ERBB4: variants seen among roughly 807,000 people sequenced by gnomAD.
ERBB4 encodes receptor tyrosine-protein kinase erbB-4.
In ERBB4, 42 loss-of-function variants were observed where a neutral mutation model predicts 158.0. The observed-to-expected ratio is 0.27, with a 90% CI of 0.21 to 0.34. The LOEUF is 0.34. Among genes scored for constraint, ERBB4 ranks in the 10% least tolerant of loss-of-function variants. The probability of loss-of-function intolerance (pLI) is 1.00; values close to 1 mark genes in which losing one functional copy is unlikely to be tolerated. For missense variants in ERBB4, 1,333 were observed against 1,624.1 expected, an observed-to-expected ratio of 0.82 and a Z score of 3.08; for synonymous variants, 583 against 558.7, an observed-to-expected ratio of 1.04 and a Z score of -0.61.
chr2:211,421,310 G>A (rs915343877), intron 24 of ERBB4, among the ~76,000 whole-genome samples: 1 of 151,730 alleles, frequency 6.6e-6, no homozygotes, highest in African/African-American at 2.4e-5. Flanking sequence ...TCAGACTGTC[G>A]ATATGAAAAT....
chr2:211,794,636 T>C (rs2076344869), intron 3 of ERBB4, among the ~76,000 whole-genome samples: 1 of 151,954 alleles, frequency 6.6e-6, no homozygotes. Context: ...AAATATTGAA[T>C]ACATTTATTT....
At chr2:211,916,378 C>T (rs1277059346) in intron 3 of ERBB4, among the ~76,000 whole-genome samples, 1 of 152,046 alleles carries the variant, frequency 6.6e-6, no homozygotes, top group East Asian at 1.9e-4. Flanking sequence ...CGGGGTTTCA[C>T]CATGTTGGCT....
intron 1 of ERBB4, among the ~76,000 whole-genome samples, chr2:212,208,776 A>G (rs1348681223): frequency 6.6e-6 from 1 of 152,202 alleles, no homozygotes; most frequent in Non-Finnish European, 1.5e-5. Context: ...TCCAGCCTTA[A>G]ATAGACACCA....
intron 1 of ERBB4, among the ~76,000 whole-genome samples, chr2:212,509,101 A>C (rs1314873113): frequency 6.6e-6 from 1 of 152,074 alleles, no homozygotes; most frequent in Non-Finnish European, 1.5e-5. Context: ...ATAACTTAGA[A>C]GCTGAGAATA....
At chr2:211,791,498 G>A (rs1181816154) in intron 3 of ERBB4, among the ~76,000 whole-genome samples, 3 of 149,276 alleles carry the variant, frequency 2.0e-5, no homozygotes, top group Non-Finnish European at 3.0e-5. Flanking sequence ...CAAAGTGTCT[G>A]GATGAGTGCA....
chr2:211,899,887 T>C (rs965681502), intron 3 of ERBB4, among the ~76,000 whole-genome samples: 1 of 152,182 alleles, frequency 6.6e-6, no homozygotes, highest in African/African-American at 2.4e-5. Context: ...AATGCTATAT[T>C]ATTGATGAAA....
chr2:211,702,168 TAAG>T lies in ERBB4; in HGVS notation c.1290-5_1290-3del, dbSNP rs1271939373. The T allele has an allele frequency of 3.6e-5, 58 of 1,612,944 alleles. No individual in the cohort carries two copies. Among genetic ancestry groups the T allele is most frequent in the Non-Finnish European group, 4.6e-5 (54 of 1,179,120 alleles). On this transcript the variant is annotated splice_region_variant and splice_polypyrimidine_tract_variant and intron_variant, in intron 11 of 27. Coordinates refer to ENST00000342788, the MANE Select transcript of ERBB4 (RefSeq NM_005235.3). ...TTGAGGATAAGCAAGGACAGGCCAC[TAAG>T]GAGGGGGAAGTGAGAAAACGGAACC...
At chr2:212,238,527 T>A (rs2083964417) in intron 1 of ERBB4, among the ~76,000 whole-genome samples, 1 of 152,162 alleles carries the variant, frequency 6.6e-6, no homozygotes, top group Non-Finnish European at 1.5e-5. Context: ...TATGCAGCCA[T>A]CTTGCTAGCC....
At chr2:212,527,536 G>A (rs1692516551) in intron 1 of ERBB4, among the ~76,000 whole-genome samples, 1 of 151,898 alleles carries the variant, frequency 6.6e-6, no homozygotes, top group African/African-American at 2.4e-5. Context: ...TTCAACCATA[G>A]GCAGACTTAC....
chr2:211,420,546 T>A lies in ERBB4; in HGVS notation c.3030A>T (p.Glu1010Asp). 1 of 1,612,890 alleles carries A rather than the reference T, an allele frequency of 6.2e-7. No individual in the cohort carries two copies. The change falls in exon 25 of 28, where the codon GAA (glutamate) becomes GAT (aspartate). Residue 1010 changes from glutamate to aspartate, a missense_variant. Physicochemically the swap from Glu to Asp is conservative, Grantham distance 45. Coordinates refer to ENST00000342788, the MANE Select transcript of ERBB4 (RefSeq NM_005235.3). ...CATCCATCATATCTTCCAAATCCTC[T>A]TCATCCAAGAGATTCTGAAAGAACT... is the stretch of plus-strand genomic sequence containing the variant. ...DSKFFQNLLDEEDLEDMMDAE... is the reference protein window; with the variant it reads ...DSKFFQNLLDDEDLEDMMDAE...
chr2:212,298,183 C>A (rs532903785), intron 1 of ERBB4, among the ~76,000 whole-genome samples: 1 of 151,716 alleles, frequency 6.6e-6, no homozygotes, highest in East Asian at 1.9e-4. Flanking sequence ...AACATTGTCA[C>A]TTTTCATTAA....
intron 12 of ERBB4, among the ~76,000 whole-genome samples, chr2:211,691,203 C>G (rs1187233253): frequency 6.6e-6 from 1 of 152,124 alleles, no homozygotes; most frequent in Non-Finnish European, 1.5e-5. Context: ...TAAACCCTTA[C>G]TCTGTAATTA....
intron 1 of ERBB4, among the ~76,000 whole-genome samples, chr2:212,143,573 T>C (rs1429619168): frequency 1.3e-5 from 2 of 152,144 alleles, no homozygotes; most frequent in African/African-American, 4.8e-5. Flanking sequence ...TACCTTGGTA[T>C]GGCTGTGACT....
intron 3 of ERBB4, among the ~76,000 whole-genome samples, chr2:211,889,040 G>C (rs1368548161): frequency 7.0e-6 from 1 of 142,228 alleles, no homozygotes; most frequent in Non-Finnish European, 1.5e-5. Context: ...ACTGGGTAGA[G>C]CCCACCACAG....
intron 20 of ERBB4, among the ~76,000 whole-genome samples, chr2:211,453,673 A>G (rs557468745): frequency 6.6e-6 from 1 of 152,184 alleles, no homozygotes; most frequent in Admixed American, 6.6e-5. Context: ...CAATACTATT[A>G]TCTCATTCAC....
At chr2:212,093,554 A>C (rs898212426) in intron 2 of ERBB4, among the ~76,000 whole-genome samples, 3 of 152,220 alleles carry the variant, frequency 2.0e-5, no homozygotes, top group African/African-American at 7.2e-5. Flanking sequence ...AAAAATTACA[A>C]ATGAAAACAA....
In ERBB4 at chr2:211,988,206, T is replaced by C. The variant is rs933701197; in HGVS notation, c.235-40590A>G. Among the ~76,000 whole-genome samples, 5 of 152,250 alleles carry C rather than the reference T, an allele frequency of 3.3e-5. No homozygotes were observed. The East Asian group carries it at 9.6e-4, about 29-fold the overall frequency. On this transcript the variant is annotated intron_variant, in intron 2 of 27. Transcript: ENST00000342788. ...ATGTGCTTACAATAAATTTTTAATT[T>C]TCAGACCTATTGTTATTAAAGGCAC... is the stretch of plus-strand genomic sequence containing the variant.
At chr2:212,293,847 CAAAAAAAAAAACAA>C (rs1250351350) in intron 1 of ERBB4, among the ~76,000 whole-genome samples, 89 of 63,804 alleles carry the variant, frequency 1.4e-3, no homozygotes, top group Non-Finnish European at 1.7e-3. Context: ...GACTCTGTCT[CAAAAAAAAAAACAA>C]AAAAAAAAAA....
intron 5 of ERBB4, among the ~76,000 whole-genome samples, chr2:211,734,794 G>A (rs970844954): frequency 7.3e-5 from 11 of 150,496 alleles, no homozygotes; most frequent in Middle Eastern, 3.2e-3. Context: ...GGTGGCGGGC[G>A]CCTGTAGTAC....
Sources: gnomAD v4.1 joint callset for allele counts (sites outside exome capture counted in the v4.1 genomes callset) on GRCh38, gnomAD v4.1.1 for gene constraint, MANE v1.5 for transcripts, NCBI Gene and HGNC (gene_info 2026-07-23, HGNC 2026-07-21) for gene names.